MBNL2: variants seen among roughly 807,000 people sequenced by gnomAD.
MBNL2 encodes the protein muscleblind like splicing regulator 2, also known as muscleblind-like protein 2.
MBNL2 carries 17 observed loss-of-function variants against 41.9 expected under a neutral mutation model. That is an observed-to-expected ratio of 0.41 (90% CI 0.28 to 0.61). The LOEUF is 0.61. Ranked by LOEUF, MBNL2 falls within the 20% of genes least tolerant of loss-of-function variation. The pLI is 0.35. For synonymous variants in MBNL2, 195 were observed against 182.9 expected, an observed-to-expected ratio of 1.07 and a Z score of -0.53; for missense variants, 336 against 505.6, an observed-to-expected ratio of 0.66 and a Z score of 3.22.
intron 2 of MBNL2, among the ~76,000 whole-genome samples, chr13:97,317,938 A>G (rs1392974635): frequency 3.3e-5 from 5 of 152,362 alleles, no homozygotes; most frequent in South Asian, 2.1e-4. Context: ...TTTCTCAAAG[A>G]TAAGAACAGT....
intron 2 of MBNL2, among the ~76,000 whole-genome samples, chr13:97,304,308 G>C (rs910601879): frequency 7.9e-5 from 12 of 152,174 alleles, no homozygotes; most frequent in African/African-American, 2.9e-4. Context: ...GACTTGGTGA[G>C]GCTTAGCAGG....
the MBNL2 span, among the ~76,000 whole-genome samples, chr13:97,186,649 C>A: frequency 1.4e-4 from 22 of 152,166 alleles, no homozygotes; most frequent in Non-Finnish European, 2.4e-4. Context: ...CTTCATTGGT[C>A]TAAACACGGG....
intron 2 of MBNL2, among the ~76,000 whole-genome samples, chr13:97,302,346 T>C (rs1030283073): frequency 1.3e-5 from 2 of 152,214 alleles, no homozygotes; most frequent in African/African-American, 4.8e-5. Context: ...CTCTGTATTA[T>C]GGGGGACCTG....
chr13:97,229,236 T>C (rs140995739), intron 1 of MBNL2, among the ~76,000 whole-genome samples: 55 of 150,660 alleles, frequency 3.7e-4, no homozygotes, highest in African/African-American at 1.2e-3. Flanking sequence ...GTTCTCAGAG[T>C]TCAGGAAAGT....
chr13:97,242,122 T>C (rs1566361488), intron 1 of MBNL2, among the ~76,000 whole-genome samples: 1 of 151,962 alleles, frequency 6.6e-6, no homozygotes, highest in Non-Finnish European at 1.5e-5. Flanking sequence ...GTGAAATGGG[T>C]AGGATTTTGA....
rs369564442 is a variant in MBNL2, at chr13:97,268,089, C to CTTCCTTCT, written c.-604-7536_-604-7535insTTTCCTTC. Among the ~76,000 whole-genome samples the CTTCCTTCT allele has an allele frequency of 0.02, 2,987 of 151,318 alleles. 102 individuals are homozygous for CTTCCTTCT. Among genetic ancestry groups the CTTCCTTCT allele is most frequent in the African/African-American group, 0.062 (2,578 of 41,248 alleles). Reference sequence around the variant, plus strand: ...TCTTTTTTCTTTCCTTCCTTCCTTCCTTCCTTCCTTCCTTTCTTTCTTTTG... The same window carrying CTTCCTTCT: ...TCTTTTTTCTTTCCTTCCTTCCTTCCTTCCTTCTTTCCTTCCTTCCTTTCTTTCTTTTG... On this transcript the variant is annotated intron_variant, in intron 1 of 8. Transcript: ENST00000679496. The surrounding 1 kb of genome is among the most constrained non-coding windows in gnomAD (Gnocchi z 4.6).
chr13:97,336,854 G>C (rs181030352), intron 3 of MBNL2, among the ~76,000 whole-genome samples: 4 of 152,306 alleles, frequency 2.6e-5, no homozygotes, highest in Admixed American at 2.0e-4. Context: ...TTGATAAAGA[G>C]AGTCAAGTAT....
At chr13:97,280,999 GTTGA>G (rs1408870181) in intron 2 of MBNL2, among the ~76,000 whole-genome samples, 1 of 152,140 alleles carries the variant, frequency 6.6e-6, no homozygotes. Flanking sequence ...TTGTTTATTG[GTTGA>G]TTATCTGTCT....
intron 1 of MBNL2, among the ~76,000 whole-genome samples, chr13:97,222,770 A>G (rs973547664): frequency 1.3e-5 from 2 of 152,202 alleles, no homozygotes; most frequent in Admixed American, 6.5e-5. Context: ...CAAAGAATCG[A>G]TTCATTTATT....
At chr13:97,309,538 C>T (rs1176538685) in intron 2 of MBNL2, among the ~76,000 whole-genome samples, 1 of 152,180 alleles carries the variant, frequency 6.6e-6, no homozygotes, top group Non-Finnish European at 1.5e-5. Flanking sequence ...ATCTTTTCCT[C>T]AGGGCCCTCA....
chr13:97,319,696 AT>A (rs1210027393), intron 2 of MBNL2, among the ~76,000 whole-genome samples: 8 of 152,200 alleles, frequency 5.3e-5, no homozygotes, highest in Admixed American at 6.5e-5. Flanking sequence ...ATCAAGGATG[AT>A]TTTTATCAAG....
intron 8 of MBNL2, among the ~76,000 whole-genome samples, chr13:97,388,813 T>G (rs1487287864): frequency 1.3e-5 from 2 of 152,012 alleles, no homozygotes; most frequent in Non-Finnish European, 2.9e-5. Flanking sequence ...GAAAAAAAAA[T>G]TTAATAATCA....
chr13:97,347,219 T>TTTTTG (rs923198538), intron 5 of MBNL2, 152 bp downstream of exon 5: 8 of 650,230 alleles, frequency 1.2e-5, no homozygotes, highest in East Asian at 3.0e-5. Context: ...GTTTTCCCCC[T>TTTTTG]TTTTGTTTTG....
intron 2 of MBNL2, among the ~76,000 whole-genome samples, chr13:97,304,058 T>C (rs1342284090): frequency 6.6e-6 from 1 of 152,160 alleles, no homozygotes; most frequent in Non-Finnish European, 1.5e-5. Flanking sequence ...AGGAAGTAAC[T>C]GGGGAGGCAG....
intron 1 of MBNL2, among the ~76,000 whole-genome samples, chr13:97,261,974 T>C (rs1255163122): frequency 6.6e-6 from 1 of 152,100 alleles, no homozygotes; most frequent in Admixed American, 6.5e-5. Flanking sequence ...CTCCCCAAGC[T>C]CTTGTCCTGT....
At chr13:97,316,717 GC>G (rs2059089463) in intron 2 of MBNL2, among the ~76,000 whole-genome samples, 1 of 152,114 alleles carries the variant, frequency 6.6e-6, no homozygotes, top group South Asian at 2.1e-4. Flanking sequence ...AGTGGTAATG[GC>G]CCTGCCTATG....
Position 97,242,694 on chromosome 13 carries a change from C to A in MBNL2, c.-605+20163C>A, listed in dbSNP as rs191367485. On this transcript the variant is annotated intron_variant, in intron 1 of 8. Transcript: ENST00000679496. ...ATGAGGACTTCCTGGGTCCCGGGAG[C>A]CCCCCGGGGTTGGGGATGAGGGTAC... Among the ~76,000 whole-genome samples the A allele has an allele frequency of 3.2e-3, 482 of 151,674 alleles. 2 individuals carry two copies. The highest frequency in any genetic ancestry group is 0.011 in the African/African-American group (461 of 41,354).
At chr13:97,249,845 T>C (rs2046182348) in intron 1 of MBNL2, among the ~76,000 whole-genome samples, 1 of 152,252 alleles carries the variant, frequency 6.6e-6, no homozygotes, top group East Asian at 1.9e-4. Flanking sequence ...ATATTTCTAT[T>C]GGCTTTTGCT....
At chr13:97,173,797 T>C in the MBNL2 span, among the ~76,000 whole-genome samples, 1 of 152,198 alleles carries the variant, frequency 6.6e-6, no homozygotes, top group Non-Finnish European at 1.5e-5. Context: ...CTGGAATATC[T>C]GCGCCTTCTA....
Sources: allele counts gnomAD v4.1 joint callset (sites outside exome capture counted in the v4.1 genomes callset), GRCh38; gene constraint gnomAD v4.1.1; non-coding constraint Gnocchi (gnomAD v3.1); transcripts MANE v1.5; gene names NCBI Gene and HGNC (gene_info 2026-07-23, HGNC 2026-07-21).